Variants in PPARG observed in about 807,000 individuals in gnomAD.
The protein encoded by PPARG is peroxisome proliferator-activated receptor gamma.
A neutral mutation model predicts 39.2 loss-of-function variants in PPARG; 17 were observed. The ratio of observed to expected loss-of-function variants is 0.43; its 90% CI spans 0.30 to 0.65. PPARG has a LOEUF of 0.65. PPARG is among the 30% of genes least tolerant of loss of function. The pLI, the probability that PPARG is intolerant of heterozygous loss-of-function variation, is 0.13. For missense variants in PPARG, 406 were observed against 585.9 expected (o/e 0.69, Z 3.17); for synonymous variants, 223 against 215.7 (o/e 1.03, Z -0.30).
intron 2 of PPARG, among the ~76,000 whole-genome samples, chr3:12,319,988 T>A (rs2047492319): frequency 6.6e-6 from 1 of 152,166 alleles, no homozygotes; most frequent in African/African-American, 2.4e-5. Flanking sequence ...AGAGGTTGAG[T>A]AACTTACTCG....
chr3:12,327,899 T>G (rs1037854874), intron 2 of PPARG: 14 of 560,138 alleles, frequency 2.5e-5, no homozygotes. Context: ...GCTTCTTTAG[T>G]ATCTACATAG....
intron 5 of PPARG, among the ~76,000 whole-genome samples, chr3:12,396,694 GT>G (rs1390078956): frequency 6.7e-6 from 1 of 149,274 alleles, no homozygotes; most frequent in Non-Finnish European, 1.5e-5. Context: ...GGGGGTGGAA[GT>G]TGCAGTGAGC....
chr3:12,302,384 G>A (rs971700772), intron 1 of PPARG, among the ~76,000 whole-genome samples: 2 of 152,200 alleles, frequency 1.3e-5, no homozygotes, highest in Admixed American at 6.5e-5. Flanking sequence ...TGCTTAATGG[G>A]TACAGGATTT....
intron 2 of PPARG, among the ~76,000 whole-genome samples, chr3:12,329,878 G>A (rs116219174): frequency 0.017 from 2,546 of 152,192 alleles, 23 homozygotes; most frequent in Middle Eastern, 0.037. Context: ...CATATAAGTG[G>A]ACTCATATAA....
intron 2 of PPARG, among the ~76,000 whole-genome samples, chr3:12,317,628 C>T (rs2047424882): frequency 6.6e-6 from 1 of 152,130 alleles, no homozygotes. Flanking sequence ...TATACCATTA[C>T]ATACCATGAA....
chr3:12,321,383 A>G (rs1368676565), intron 2 of PPARG, among the ~76,000 whole-genome samples: 1 of 152,176 alleles, frequency 6.6e-6, no homozygotes, highest in Non-Finnish European at 1.5e-5. Flanking sequence ...ACAGCAAATG[A>G]GAGTCTAAGA....
rs142349123 is a variant in PPARG at position 12,350,480 on chromosome 3, T to C, written c.-8-29224T>C. On this transcript the variant is annotated intron_variant, in intron 2 of 7. Coordinates refer to ENST00000651735, the MANE Select transcript of PPARG (RefSeq NM_138711.6). ...ACGATAAGTATAATTCAGAGAATTATTGCCTTCTAATATACTGCCCTGTGT... is the reference window on the plus strand; with the variant it reads ...ACGATAAGTATAATTCAGAGAATTACTGCCTTCTAATATACTGCCCTGTGT... 3.9e-4 allele frequency among the ~76,000 whole-genome samples: 59 copies of C among 152,330 alleles called. No homozygotes were observed. In the East Asian group the frequency reaches 0.011, roughly 29 times the overall value.
At chr3:12,413,837 A>G (rs2050966764) in intron 6 of PPARG, among the ~76,000 whole-genome samples, 1 of 146,456 alleles carries the variant, frequency 6.8e-6, no homozygotes, top group African/African-American at 2.7e-5. Flanking sequence ...AAAAAAAAAA[A>G]TGAAATGGTT....
At chr3:12,392,862 G>A in intron 5 of PPARG, 110 bp downstream of exon 5, 1 of 1,302,174 alleles carries the variant, frequency 7.7e-7, no homozygotes, top group East Asian at 2.4e-5. Context: ...CCAAATGCCA[G>A]AATTTAGAAT....
upstream of PPARG, chr3:12,287,841 C>CCCCCAG (rs1559479758): frequency 8.2e-6 from 1 of 121,592 alleles, no homozygotes; most frequent in Admixed American, 7.7e-5. Flanking sequence ...CCCACCCCCA[C>CCCCCAG]CCCCAGCCGG....
intron 2 of PPARG, among the ~76,000 whole-genome samples, chr3:12,365,384 A>G (rs2048982390): frequency 1.3e-5 from 2 of 151,966 alleles, no homozygotes; most frequent in East Asian, 1.9e-4. Flanking sequence ...TTTTATTTTA[A>G]TGAAGTCCAG....
intron 2 of PPARG, among the ~76,000 whole-genome samples, chr3:12,321,812 T>C (rs1474533852): frequency 6.6e-6 from 1 of 152,230 alleles, no homozygotes; most frequent in Non-Finnish European, 1.5e-5. Context: ...TTTCATACTA[T>C]TGTTGATTCA....
At position 12,290,185 on chromosome 3, in the gene PPARG, T is replaced by G. The variant is rs548676439; in HGVS notation, c.-83+1051T>G. ...AGGAAAAGAGAAACACTAATGATGG[T>G]TTTTTTTAAAATCAAAAACTTTTTT... On this transcript the variant is annotated intron_variant, in intron 1 of 7. Transcript: ENST00000651735. 7.9e-5 allele frequency among the ~76,000 whole-genome samples: 12 copies of G among 151,290 alleles called. No homozygotes were observed. The East Asian group carries it at 2.3e-3, about 29-fold the overall frequency.
intron 2 of PPARG, among the ~76,000 whole-genome samples, chr3:12,367,857 A>G (rs1049877875): frequency 1.7e-4 from 26 of 152,030 alleles, no homozygotes; most frequent in Non-Finnish European, 3.1e-4. Context: ...CCTGCATGAC[A>G]GAGTGAGACC....
At chr3:12,293,578 C>T (rs750482317) in intron 1 of PPARG, among the ~76,000 whole-genome samples, 9 of 152,116 alleles carry the variant, frequency 5.9e-5, no homozygotes, top group Non-Finnish European at 7.4e-5. Context: ...GCTCAACTCC[C>T]ACAGTCAGCA....
At position 12,381,509 on chromosome 3, in the gene PPARG, C is replaced by A. The variant is rs756216884; in HGVS notation, c.390+18C>A. 4.3e-6 allele frequency: 7 copies of A among 1,610,562 alleles called. No homozygotes were observed. The East Asian group carries it at 1.3e-4, about 31-fold the overall frequency. On this transcript the variant is annotated intron_variant, in intron 4 of 7. Coordinates refer to ENST00000651735, the MANE Select transcript of PPARG (RefSeq NM_138711.6). ...GATGCAAGGTAATTAAAAAAAAAGT[C>A]TTCAAAGAAATTGTTGAAACTTTAT...
chr3:12,289,208 ATTATCC>A (rs1350095027), intron 1 of PPARG, 74 bp downstream of exon 1: 1 of 151,954 alleles, frequency 6.6e-6, no homozygotes, highest in Non-Finnish European at 1.5e-5. Context: ...AAATTATTGT[ATTATCC>A]TTATATCATT....
At chr3:12,391,342 G>A (rs920968540) in intron 4 of PPARG, among the ~76,000 whole-genome samples, 4 of 152,140 alleles carry the variant, frequency 2.6e-5, no homozygotes, top group South Asian at 2.1e-4. Flanking sequence ...AAAAACTGGA[G>A]CAGAGTAAAG....
intron 5 of PPARG, among the ~76,000 whole-genome samples, chr3:12,402,697 T>C (rs1448611139): frequency 5.9e-5 from 9 of 152,128 alleles, no homozygotes; most frequent in African/African-American, 2.2e-4. Context: ...CCCATCAAAA[T>C]GTCCCGTGGA....
Sources: gnomAD v4.1 joint callset for allele counts (sites outside exome capture counted in the v4.1 genomes callset) on GRCh38, gnomAD v4.1.1 for gene constraint, MANE v1.5 for transcripts, NCBI Gene and HGNC (gene_info 2026-07-23, HGNC 2026-07-21) for gene names.